The following FGF14 variants were observed in gnomAD, a reference collection of about 807,000 sequenced individuals.
FGF14 encodes fibroblast growth factor 14, also known as fibroblast growth factor homologous factor 4.
Under a neutral mutation model 25.5 loss-of-function variants are expected in FGF14, and 5 were observed. The ratio of observed to expected loss-of-function variants is 0.20; its 90% CI spans 0.10 to 0.41. FGF14 has a LOEUF of 0.41. FGF14 is among the 10% of genes least tolerant of loss of function. FGF14 has a pLI of 1.00. For synonymous variants in FGF14, 138 were observed against 118.3 expected (o/e 1.17, Z -1.08); for missense variants, 222 against 320.1 (o/e 0.69, Z 2.34).
chr13:102,224,141 CT>C, intron 1 of FGF14, among the ~76,000 whole-genome samples: 1 of 151,856 alleles, frequency 6.6e-6, no homozygotes, highest in Non-Finnish European at 1.5e-5. Context: ...TAACTTTTTC[CT>C]ATCATTATTA....
At chr13:101,751,490 C>T (rs2037271398) in intron 3 of FGF14, among the ~76,000 whole-genome samples, 1 of 152,042 alleles carries the variant, frequency 6.6e-6, no homozygotes, top group Non-Finnish European at 1.5e-5. Flanking sequence ...TAATAAGTTC[C>T]ACAGTAGGAA....
intron 1 of FGF14, among the ~76,000 whole-genome samples, chr13:102,342,864 C>T (rs1395427003): frequency 6.6e-6 from 1 of 152,066 alleles, no homozygotes; most frequent in Non-Finnish European, 1.5e-5. Flanking sequence ...ATTTTAGCAA[C>T]AATGCTGTTT....
At chr13:102,306,089 T>C (rs545745892) in intron 1 of FGF14, among the ~76,000 whole-genome samples, 1 of 152,316 alleles carries the variant, frequency 6.6e-6, no homozygotes, top group African/African-American at 2.4e-5. Context: ...CCCTAGAAAT[T>C]GGGCTGTAAA....
chr13:101,933,116 T>C (rs2034877134), intron 1 of FGF14, among the ~76,000 whole-genome samples: 1 of 152,192 alleles, frequency 6.6e-6, no homozygotes, highest in Non-Finnish European at 1.5e-5. Flanking sequence ...TTAGTGATAT[T>C]TTATATATTC....
chr13:102,268,913 A>G (rs1427286397), intron 1 of FGF14, among the ~76,000 whole-genome samples: 2 of 152,224 alleles, frequency 1.3e-5, no homozygotes, highest in African/African-American at 2.4e-5. Flanking sequence ...AGATCATTCA[A>G]TAGGTTACTG....
chr13:102,401,712 G>A, exon 1 of FGF14: 2 of 1,570,918 alleles, frequency 1.3e-6, no homozygotes, highest in Non-Finnish European at 1.7e-6. Context: ...TCTTCTCCCA[G>A]TTTTTTCCCC....
At chr13:101,724,431 C>T (rs8002156) in intron 4 of FGF14, among the ~76,000 whole-genome samples, 5 of 146,206 alleles carry the variant, frequency 3.4e-5, no homozygotes, top group African/African-American at 1.0e-4. Flanking sequence ...ATCACACACA[C>T]GGGCCTGTTG....
chr13:101,798,792 G>A lies in FGF14; in HGVS notation c.408+69933C>T, dbSNP rs56350777. Among the ~76,000 whole-genome samples the A allele has an allele frequency of 6.7e-3, 1,020 of 152,212 alleles. 15 individuals are homozygous for A. The highest frequency in any genetic ancestry group is 0.024 in the African/African-American group (979 of 41,544). On this transcript the variant is annotated intron_variant, in intron 3 of 4. Coordinates refer to ENST00000376143, the MANE Select transcript of FGF14 (RefSeq NM_004115.4). Reference sequence around the variant, plus strand: ...CACTGAAATGTAGGATTAAGGAAGTGAAATGTGTATTTGTGAGTGTTTGTG... The same window carrying A: ...CACTGAAATGTAGGATTAAGGAAGTAAAATGTGTATTTGTGAGTGTTTGTG...
Position 101,722,594 on chromosome 13 carries a change from A to G in FGF14, c.*237T>C. 5.3e-6 allele frequency: 3 copies of G among 566,076 alleles called. No homozygotes were observed. Among genetic ancestry groups the G allele is most frequent in the Non-Finnish European group, 6.3e-6 (2 of 315,110 alleles). 35.1% of individuals were successfully genotyped at this position (566,076 alleles called of 1,614,324 possible). ...AGAAAAGATATTAAAAAGGCATTCC[A>G]TATCTGGTAGGGCATTCCATGGTCT... is the stretch of plus-strand genomic sequence containing the variant. On this transcript the variant is annotated 3_prime_UTR_variant, in exon 5 of 5. Coordinates refer to ENST00000376143, the MANE Select transcript of FGF14 (RefSeq NM_004115.4).
At position 101,858,943 on chromosome 13, in the gene FGF14, C is replaced by T. The variant is rs150532102; in HGVS notation, c.408+9782G>A. Among the ~76,000 whole-genome samples the T allele has an allele frequency of 3.5e-3, 536 of 151,502 alleles. 2 individuals carry two copies. Among genetic ancestry groups the T allele is most frequent in the Middle Eastern group, 0.014 (4 of 292 alleles). Reference sequence around the variant, plus strand: ...TCTCTTAAGTTAAAGACGACATTACCACTCACTTCATTAATGCAAATATGG... The same window carrying T: ...TCTCTTAAGTTAAAGACGACATTACTACTCACTTCATTAATGCAAATATGG... On this transcript the variant is annotated intron_variant, in intron 3 of 4. Transcript: ENST00000376143.
In FGF14 at chr13:101,983,491, T is replaced by A. The variant is rs150788426; in HGVS notation, c.209-108195A>T. On this transcript the variant is annotated intron_variant, in intron 1 of 4. Coordinates refer to the FGF14 transcript ENST00000376131. ...TTGTTATGAATAGGAATGCAATAAG[T>A]CATCAATCCAAATCCAGAGAAAAAT... Among the ~76,000 whole-genome samples the A allele has an allele frequency of 6.8e-4, 103 of 152,330 alleles. 1 individual carries two copies. The highest frequency in any genetic ancestry group is 2.3e-3 in the African/African-American group (97 of 41,582).
At chr13:101,816,243 CT>C (rs1329319884) in intron 3 of FGF14, among the ~76,000 whole-genome samples, 2 of 137,038 alleles carry the variant, frequency 1.5e-5, no homozygotes, top group Non-Finnish European at 3.0e-5. Context: ...GCACTCCAAC[CT>C]GGGGAACAGA....
chr13:101,891,000 T>C (rs1248877336), intron 1 of FGF14, among the ~76,000 whole-genome samples: 2 of 152,120 alleles, frequency 1.3e-5, no homozygotes, highest in East Asian at 3.9e-4. Context: ...CAAGATCCAG[T>C]GGATGGTGGT....
intron 1 of FGF14, among the ~76,000 whole-genome samples, chr13:102,008,023 T>A (rs934409777): frequency 1.3e-5 from 2 of 152,170 alleles, no homozygotes; most frequent in Non-Finnish European, 2.9e-5. Flanking sequence ...AGGCTACAGG[T>A]GAGAATGAAT....
chr13:101,917,056 C>T (rs952834152), upstream of FGF14, among the ~76,000 whole-genome samples: 61 of 151,406 alleles, frequency 4.0e-4, no homozygotes, highest in Non-Finnish European at 7.7e-4. Flanking sequence ...AGCCGGCCGG[C>T]GGCTCCCCGG....
At chr13:101,839,561 G>A (rs1049219892) in intron 3 of FGF14, among the ~76,000 whole-genome samples, 1 of 151,936 alleles carries the variant, frequency 6.6e-6, no homozygotes. Flanking sequence ...AATAGTAGAT[G>A]TATATATTTA....
intron 1 of FGF14, among the ~76,000 whole-genome samples, chr13:102,082,850 T>C (rs931576661): frequency 9.9e-5 from 15 of 150,998 alleles, no homozygotes; most frequent in Non-Finnish European, 1.6e-4. Flanking sequence ...CCCAGCTACT[T>C]GGGAGGCTGA....
intron 1 of FGF14, among the ~76,000 whole-genome samples, chr13:102,133,331 T>A (rs2046278657): frequency 6.6e-6 from 1 of 152,208 alleles, no homozygotes; most frequent in Non-Finnish European, 1.5e-5. Flanking sequence ...AAGGTGTATA[T>A]GAATGGCTGT....
chr13:102,379,187 GC>G (rs2058117823), intron 1 of FGF14, among the ~76,000 whole-genome samples: 1 of 152,010 alleles, frequency 6.6e-6, no homozygotes, highest in Non-Finnish European at 1.5e-5. Flanking sequence ...TACTGAAAGA[GC>G]TCTACTTTCA....
Sources: allele counts gnomAD v4.1 joint callset (sites outside exome capture counted in the v4.1 genomes callset), GRCh38; gene constraint gnomAD v4.1.1; transcripts MANE v1.5; gene names NCBI Gene and HGNC (gene_info 2026-07-23, HGNC 2026-07-21).